Variants in WNT8B observed in about 807,000 individuals in gnomAD.
The protein encoded by WNT8B is protein Wnt-8b.
A neutral mutation model predicts 36.6 loss-of-function variants in WNT8B; 24 were observed. The ratio of observed to expected loss-of-function variants is 0.66; its 90% CI spans 0.48 to 0.92. WNT8B has a LOEUF of 0.92. WNT8B is among the 40% of genes least tolerant of loss of function. WNT8B has a pLI of 0.00. For synonymous variants in WNT8B, 199 were observed against 189.8 expected, an observed-to-expected ratio of 1.05 and a Z score of -0.40; for missense variants, 402 against 470.8, an observed-to-expected ratio of 0.85 and a Z score of 1.35.
chr10:100,466,450 C>A (rs765290148), intron 1 of WNT8B, among the ~76,000 whole-genome samples: 1 of 152,072 alleles, frequency 6.6e-6, no homozygotes, highest in Non-Finnish European at 1.5e-5. Context: ...TTTCCAGAAT[C>A]TCTATTTCTC....
chr10:100,480,041 G>T, intron 3 of WNT8B, 29 bp downstream of exon 3: 1 of 1,609,552 alleles, frequency 6.2e-7, no homozygotes. Context: ...ACAGCTCCCT[G>T]GACCCTCTGG....
At chr10:100,463,560 G>T (rs974452526) in intron 1 of WNT8B, among the ~76,000 whole-genome samples, 2 of 152,180 alleles carry the variant, frequency 1.3e-5, no homozygotes, top group African/African-American at 4.8e-5. Flanking sequence ...TAGAGAGGAG[G>T]AAGGTAGTTC....
At chr10:100,469,245 C>T (rs1827469564) in intron 1 of WNT8B, among the ~76,000 whole-genome samples, 1 of 152,142 alleles carries the variant, frequency 6.6e-6, no homozygotes, top group African/African-American at 2.4e-5. Context: ...CAATGCCATC[C>T]TCCCCCAACC....
intron 1 of WNT8B, among the ~76,000 whole-genome samples, chr10:100,473,634 A>G (rs1214509413): frequency 6.6e-6 from 1 of 152,192 alleles, no homozygotes; most frequent in African/African-American, 2.4e-5. Context: ...GTCAAAAAAT[A>G]TTCTATTATG....
intron 1 of WNT8B, among the ~76,000 whole-genome samples, chr10:100,466,060 T>G (rs999016400): frequency 1.3e-5 from 2 of 152,042 alleles, no homozygotes; most frequent in East Asian, 3.8e-4. Context: ...ATGTTGAATT[T>G]TTCCCACTAA....
chr10:100,479,845 T>G (rs1851086836), intron 2 of WNT8B, 29 bp from the exon 3 acceptor site: 1 of 1,612,008 alleles, frequency 6.2e-7, no homozygotes, highest in South Asian at 1.1e-5. Flanking sequence ...CTAAGTTCAG[T>G]CTGAATTTTT....
At chr10:100,477,874 T>G (rs1851058723) in intron 1 of WNT8B, among the ~76,000 whole-genome samples, 1 of 152,024 alleles carries the variant, frequency 6.6e-6, no homozygotes, top group Middle Eastern at 3.4e-3. Context: ...CCTCCCAGGT[T>G]CAAGCGATTC....
intron 1 of WNT8B, among the ~76,000 whole-genome samples, chr10:100,474,336 T>TAAAAC (rs147996837): frequency 0.23 from 35,143 of 151,974 alleles, 4,137 homozygotes; most frequent in African/African-American, 0.27. Context: ...ATTTATATCT[T>TAAAAC]AAATTTACAT....
chr10:100,469,203 C>T (rs1283372121), intron 1 of WNT8B, among the ~76,000 whole-genome samples: 1 of 152,170 alleles, frequency 6.6e-6, no homozygotes, highest in African/African-American at 2.4e-5. Flanking sequence ...CCAATCTCTA[C>T]TGCAATCATT....
At chr10:100,464,111 C>T (rs1212994680) in intron 1 of WNT8B, among the ~76,000 whole-genome samples, 1 of 152,122 alleles carries the variant, frequency 6.6e-6, no homozygotes, top group Non-Finnish European at 1.5e-5. Flanking sequence ...AGATATAAAT[C>T]CAATTGCTAC....
chr10:100,474,691 A>C (rs978990821), intron 1 of WNT8B, among the ~76,000 whole-genome samples: 1 of 151,970 alleles, frequency 6.6e-6, no homozygotes, highest in African/African-American at 2.4e-5. Flanking sequence ...CAGCCTCCTG[A>C]GTAGCTGGGA....
chr10:100,482,491 G>A lies in WNT8B; in HGVS notation c.731G>A (p.Arg244Gln). Residue 244 changes from arginine to glutamine, a missense_variant, in exon 6 of 6, where the codon CGG becomes CAG. By Grantham distance (43) the Arg-to-Gln change is conservative (BLOSUM62 1). Coordinates refer to ENST00000343737, the MANE Select transcript of WNT8B (RefSeq NM_003393.4). This position sits in a 1 kb window ranked among gnomAD's most constrained non-coding sequence, Gnocchi z 6.6. ...GACACCTTTCGCTCCATCTCTACCC[G>A]GGAGCTGGTGCACCTGGAGGACTCC... Reference protein sequence around the residue: ...IADTFRSISTRELVHLEDSPD... With the variant: ...IADTFRSISTQELVHLEDSPD... The A allele has an allele frequency of 6.2e-7, 1 of 1,602,276 alleles. No individual in the cohort carries two copies. Among genetic ancestry groups the A allele is most frequent in the Non-Finnish European group, 8.5e-7 (1 of 1,179,744 alleles).
intron 1 of WNT8B, among the ~76,000 whole-genome samples, chr10:100,472,453 TA>T (rs938394016): frequency 1.6e-4 from 25 of 152,112 alleles, no homozygotes; most frequent in Middle Eastern, 6.8e-3. Flanking sequence ...AATAAATAAA[TA>T]AAAGTACTTC....
At chr10:100,473,092 A>G (rs1166307992) in intron 1 of WNT8B, among the ~76,000 whole-genome samples, 1 of 152,204 alleles carries the variant, frequency 6.6e-6, no homozygotes, top group African/African-American at 2.4e-5. Context: ...TGTTCAAAGT[A>G]CTAGATTAGG....
At position 100,475,244 on chromosome 10, in the gene WNT8B, AAAAC is replaced by A. The variant is rs771857420; in HGVS notation, c.69-3798_69-3795del. Among the ~76,000 whole-genome samples the A allele has an allele frequency of 1.2e-4, 19 of 152,208 alleles. No individual in the cohort carries two copies. In the South Asian group the frequency reaches 3.5e-3, roughly 28 times the overall value. On this transcript the variant is annotated intron_variant, in intron 1 of 5. Transcript: ENST00000343737. Reference sequence around the variant, plus strand: ...AAGACAGAGCAAGACTCCGTCTCAAAAAACAAACAAACAGAAAAACACAAGTCCC... The same window carrying A: ...AAGACAGAGCAAGACTCCGTCTCAAAAAACAAACAGAAAAACACAAGTCCC...
At chr10:100,479,007 T>A (rs749411271) in intron 1 of WNT8B, 45 bp from the exon 2 acceptor site, 2 of 1,532,932 alleles carry the variant, frequency 1.3e-6, no homozygotes, top group South Asian at 2.4e-5. Flanking sequence ...AACAAGTTGG[T>A]GTCTCTGCAT....
intron 1 of WNT8B, among the ~76,000 whole-genome samples, chr10:100,472,038 T>C (rs1850983259): frequency 6.7e-6 from 1 of 150,252 alleles, no homozygotes; most frequent in Admixed American, 6.6e-5. Context: ...CTACTAAAAA[T>C]ACAAAAATTA....
Position 100,482,491 on chromosome 10 carries a change from G to C in WNT8B, c.731G>C (p.Arg244Pro), listed in dbSNP as rs143970308. 6.2e-7 allele frequency: 1 copy of C among 1,602,276 alleles called. No individual in the cohort carries two copies. The highest frequency in any genetic ancestry group is 8.5e-7 in the Non-Finnish European group (1 of 1,179,744). ...GACACCTTTCGCTCCATCTCTACCCGGGAGCTGGTGCACCTGGAGGACTCC... is the reference window on the plus strand; with the variant it reads ...GACACCTTTCGCTCCATCTCTACCCCGGAGCTGGTGCACCTGGAGGACTCC... ...IADTFRSIST[R>P]ELVHLEDSPD... Residue 244 changes from arginine to proline, a missense_variant, in exon 6 of 6, where the codon CGG becomes CCG. By Grantham distance (103) the Arg-to-Pro change is moderately radical (BLOSUM62 -2). Transcript: ENST00000343737. The surrounding 1 kb of genome is among the most constrained non-coding windows in gnomAD (Gnocchi z 6.6).
In WNT8B at chr10:100,472,858, G is replaced by T. The variant is rs1050854185; in HGVS notation, c.69-6194G>T. Among the ~76,000 whole-genome samples the T allele has an allele frequency of 2.0e-5, 3 of 152,216 alleles. No homozygotes were observed. In the East Asian group the frequency reaches 5.8e-4, roughly 29 times the overall value. Reference sequence around the variant, plus strand: ...ACTAACCTCTGTGTACATATGCTCAGTGTTCACTCTGTTACTCTTGTAGTT... The same window carrying T: ...ACTAACCTCTGTGTACATATGCTCATTGTTCACTCTGTTACTCTTGTAGTT... On this transcript the variant is annotated intron_variant, in intron 1 of 5. Coordinates refer to ENST00000343737, the MANE Select transcript of WNT8B (RefSeq NM_003393.4).
Sources: allele counts gnomAD v4.1 joint callset (sites outside exome capture counted in the v4.1 genomes callset), GRCh38; gene constraint gnomAD v4.1.1; non-coding constraint Gnocchi (gnomAD v3.1); transcripts MANE v1.5; gene names NCBI Gene and HGNC (gene_info 2026-07-23, HGNC 2026-07-21).